Variants in ERBB4 observed in about 807,000 individuals in gnomAD.
ERBB4 encodes the protein receptor tyrosine-protein kinase erbB-4.
Under a neutral mutation model 158.0 loss-of-function variants are expected in ERBB4, and 42 were observed. The ratio of observed to expected loss-of-function variants is 0.27; its 90% CI spans 0.21 to 0.34. The LOEUF is 0.34. Ranked by LOEUF, ERBB4 falls within the 10% of genes least tolerant of loss-of-function variation. The pLI, the probability that ERBB4 is intolerant of heterozygous loss-of-function variation, is 1.00. For missense variants in ERBB4, 1,333 were observed against 1,624.1 expected (o/e 0.82, Z 3.08); for synonymous variants, 583 against 558.7 (o/e 1.04, Z -0.61).
intron 9 of ERBB4, 123 bp from the exon 10 acceptor site, chr2:211,705,514 T>C: frequency 1.4e-6 from 1 of 717,288 alleles, no homozygotes; most frequent in South Asian, 1.6e-5. Flanking sequence ...TATCAATGCA[T>C]GTTTAAATTA....
rs144618183 is a variant in ERBB4, at chr2:211,875,542, A to G, written c.421+71888T>C. Among the ~76,000 whole-genome samples the G allele has an allele frequency of 5.6e-4, 85 of 152,334 alleles. 1 individual carries two copies. The Middle Eastern group carries it at 0.01, about 18-fold the overall frequency. ...ACTGCACATATGATGGTGGTCTCATAAGATTTTAATGGATCTGAAAAATGT... is the reference window on the plus strand; with the variant it reads ...ACTGCACATATGATGGTGGTCTCATGAGATTTTAATGGATCTGAAAAATGT... On this transcript the variant is annotated intron_variant, in intron 3 of 27. Coordinates refer to ENST00000342788, the MANE Select transcript of ERBB4 (RefSeq NM_005235.3).
At chr2:212,179,197 C>G (rs1049568765) in intron 1 of ERBB4, among the ~76,000 whole-genome samples, 8 of 151,584 alleles carry the variant, frequency 5.3e-5, no homozygotes, top group African/African-American at 1.2e-4. Flanking sequence ...AATCAAAAAG[C>G]CTGTTTTGAC....
rs558809446 is a variant in ERBB4, at chr2:211,873,158, G to A, written c.421+74272C>T. ...AGTTGGAGTGCCACGAGTAAGCTAAGCCCTTCCATTTCAGCACAGCAGATT... is the reference window on the plus strand; with the variant it reads ...AGTTGGAGTGCCACGAGTAAGCTAAACCCTTCCATTTCAGCACAGCAGATT... On this transcript the variant is annotated intron_variant, in intron 3 of 27. Coordinates refer to ENST00000342788, the MANE Select transcript of ERBB4 (RefSeq NM_005235.3). Among the ~76,000 whole-genome samples, 10 of 151,702 alleles carry A rather than the reference G, an allele frequency of 6.6e-5. No individual in the cohort carries two copies. In the South Asian group the frequency reaches 1.7e-3, roughly 25 times the overall value.
intron 2 of ERBB4, among the ~76,000 whole-genome samples, chr2:212,033,203 C>T (rs550846067): frequency 8.5e-5 from 13 of 152,074 alleles, no homozygotes; most frequent in African/African-American, 2.9e-4. Flanking sequence ...AAATCTTTCA[C>T]TTATTCTTTG....
At chr2:212,064,106 G>A (rs935173709) in intron 2 of ERBB4, among the ~76,000 whole-genome samples, 3 of 152,132 alleles carry the variant, frequency 2.0e-5, no homozygotes, top group Admixed American at 6.5e-5. Flanking sequence ...AAGAAGCATT[G>A]TAGCTGAATG....
At chr2:211,564,843 G>A (rs913103433) in intron 19 of ERBB4, among the ~76,000 whole-genome samples, 2 of 152,180 alleles carry the variant, frequency 1.3e-5, no homozygotes, top group Admixed American at 6.5e-5. Flanking sequence ...CTCTGGGAAA[G>A]GTGACCCAAG....
chr2:211,563,417 T>C (rs2067460207), intron 19 of ERBB4, among the ~76,000 whole-genome samples: 1 of 152,164 alleles, frequency 6.6e-6, no homozygotes, highest in Non-Finnish European at 1.5e-5. Flanking sequence ...CAAATCCATA[T>C]TGTAGGACAT....
In ERBB4 at chr2:211,376,880, G is replaced by A. The variant is rs2062483707; in HGVS notation, c.*6735C>T. The A allele has an allele frequency of 8.6e-6, 2 of 233,112 alleles. No individual in the cohort carries two copies. The highest frequency in any genetic ancestry group is 1.7e-5 in the Non-Finnish European group (2 of 117,736). 14.4% of individuals were successfully genotyped at this position (233,112 alleles called of 1,614,324 possible). A position where few individuals can be genotyped will look rare whatever the true frequency, so the allele number is the denominator to read the frequency against. ...GCAATCCCTGGTGCTCTCAACATGA[G>A]AAGGAGACACACCAGCCAGGGAGAC... On this transcript the variant is annotated 3_prime_UTR_variant, in exon 28 of 28. Transcript: ENST00000342788.
intron 25 of ERBB4, among the ~76,000 whole-genome samples, chr2:211,402,955 A>G (rs1034348273): frequency 6.6e-6 from 1 of 152,068 alleles, no homozygotes; most frequent in African/African-American, 2.4e-5. Context: ...TTTACCTTGA[A>G]GCAATGAAGT....
At chr2:212,078,722 A>G (rs2078344727) in intron 2 of ERBB4, among the ~76,000 whole-genome samples, 1 of 151,782 alleles carries the variant, frequency 6.6e-6, no homozygotes, top group Admixed American at 6.6e-5. Context: ...CAGTTAAGAG[A>G]CTATTATTCT....
rs189088402 is a variant in ERBB4 at position 212,141,292 on chromosome 2, A to T, written c.83-16389T>A. 6.6e-3 allele frequency among the ~76,000 whole-genome samples: 1,009 copies of T among 152,102 alleles called. 7 individuals are homozygous for T. Among genetic ancestry groups the T allele is most frequent in the Middle Eastern group, 0.024 (7 of 294 alleles). ...TAGGTATTTACAACACATAAAAAGA[A>T]TTTTATAGTACAATCTCAATGAGTA... is the stretch of plus-strand genomic sequence containing the variant. On this transcript the variant is annotated intron_variant, in intron 1 of 27. Coordinates refer to ENST00000342788, the MANE Select transcript of ERBB4 (RefSeq NM_005235.3).
chr2:211,464,983 T>A, intron 20 of ERBB4, among the ~76,000 whole-genome samples: 1 of 20,120 alleles, frequency 5.0e-5, no homozygotes, highest in Admixed American at 8.6e-4. Context: ...TTTTTTTTTC[T>A]TTTTTTTTTT....
intron 3 of ERBB4, among the ~76,000 whole-genome samples, chr2:211,942,678 G>A (rs2080538388): frequency 6.6e-6 from 1 of 152,064 alleles, no homozygotes; most frequent in Admixed American, 6.6e-5. Context: ...CCAGTACACA[G>A]TTAACAAAAC....
chr2:211,608,441 C>G (rs1294039402), intron 19 of ERBB4, among the ~76,000 whole-genome samples: 1 of 152,108 alleles, frequency 6.6e-6, no homozygotes, highest in Admixed American at 6.6e-5. Flanking sequence ...TCTGTCTTCC[C>G]TTATCGGCTT....
chr2:212,076,471 T>G (rs1483250414), intron 2 of ERBB4, among the ~76,000 whole-genome samples: 2 of 151,930 alleles, frequency 1.3e-5, no homozygotes, highest in African/African-American at 4.8e-5. Context: ...AGGCTACACA[T>G]CAGAAAATAA....
chr2:211,673,885 T>A (rs2071950631), intron 13 of ERBB4, among the ~76,000 whole-genome samples: 1 of 152,162 alleles, frequency 6.6e-6, no homozygotes, highest in South Asian at 2.1e-4. Context: ...GTAGTCTAAA[T>A]TCTTTTTGAA....
intron 3 of ERBB4, among the ~76,000 whole-genome samples, chr2:211,869,192 C>A (rs2078281740): frequency 6.6e-6 from 1 of 152,186 alleles, no homozygotes; most frequent in African/African-American, 2.4e-5. Context: ...TGATACACAG[C>A]ACAGCATAAT....
chr2:212,467,055 T>C (rs1688874019), intron 1 of ERBB4, among the ~76,000 whole-genome samples: 1 of 152,114 alleles, frequency 6.6e-6, no homozygotes, highest in Non-Finnish European at 1.5e-5. Context: ...GATAAATGAT[T>C]TAGGGTATCT....
At chr2:212,255,970 G>A (rs2084715534) in intron 1 of ERBB4, among the ~76,000 whole-genome samples, 1 of 148,364 alleles carries the variant, frequency 6.7e-6, no homozygotes, top group Non-Finnish European at 1.5e-5. Flanking sequence ...ACAGAAGCAT[G>A]CCACCATTCC....
Sources: gnomAD v4.1 joint callset for allele counts (sites outside exome capture counted in the v4.1 genomes callset) on GRCh38, gnomAD v4.1.1 for gene constraint, MANE v1.5 for transcripts, NCBI Gene and HGNC (gene_info 2026-07-23, HGNC 2026-07-21) for gene names.